NEDD4L: variants seen among roughly 807,000 people sequenced by gnomAD.
NEDD4L encodes the protein E3 ubiquitin-protein ligase NEDD4-like.
In NEDD4L, 54 loss-of-function variants were observed where a neutral mutation model predicts 148.9. The ratio of observed to expected loss-of-function variants is 0.36; its 90% CI spans 0.29 to 0.45. The LOEUF (loss-of-function observed/expected upper bound fraction) is 0.45, where lower values mean the gene tolerates loss of function less well. Among genes scored for constraint, NEDD4L ranks in the 20% least tolerant of loss-of-function variants. The pLI, the probability that NEDD4L is intolerant of heterozygous loss-of-function variation, is 1.00. For missense variants in NEDD4L, 856 were observed against 1,233.8 expected (o/e 0.69, Z 4.59); for synonymous variants, 433 against 440.7 (o/e 0.98, Z 0.22).
At chr18:58,301,298 T>A (rs144019932) in intron 5 of NEDD4L, among the ~76,000 whole-genome samples, 78 of 152,334 alleles carry the variant, frequency 5.1e-4, no homozygotes, top group African/African-American at 1.6e-3. Context: ...ATTCAGCCCA[T>A]GAATATAGTC....
chr18:58,198,182 A>C (rs2040950553), intron 2 of NEDD4L, among the ~76,000 whole-genome samples: 1 of 152,200 alleles, frequency 6.6e-6, no homozygotes, highest in African/African-American at 2.4e-5. Context: ...GATGAAAGAA[A>C]AGCTTTCAGA....
intron 2 of NEDD4L, among the ~76,000 whole-genome samples, chr18:58,203,585 A>C (rs1438592378): frequency 6.6e-6 from 1 of 150,844 alleles, no homozygotes; most frequent in Non-Finnish European, 1.5e-5. Context: ...CTTTTTAAAG[A>C]CAGCTTTTTA....
At position 58,130,093 on chromosome 18, in the gene NEDD4L, T is replaced by A. The variant is rs369004076; in HGVS notation, c.49-35695T>A. 7.2e-3 allele frequency among the ~76,000 whole-genome samples: 1,086 copies of A among 150,232 alleles called. 27 individuals carry two copies. The East Asian group carries it at 0.12, about 17-fold the overall frequency. The stretch of plus-strand genomic sequence containing the variant: ...GTGATCTAGTGGAACTGTGGCGGTG[T>A]TGGGCTCTGTTGGGGTTTGGTTGAC... On this transcript the variant is annotated intron_variant, in intron 1 of 30. Transcript: ENST00000400345.
chr18:58,124,065 A>G (rs1027248805), intron 1 of NEDD4L, among the ~76,000 whole-genome samples: 2 of 152,188 alleles, frequency 1.3e-5, no homozygotes, highest in Non-Finnish European at 2.9e-5. Flanking sequence ...CTCACTCCGT[A>G]GAAAGAAGTG....
intron 1 of NEDD4L, among the ~76,000 whole-genome samples, chr18:58,144,312 G>T (rs1282769446): frequency 6.6e-6 from 1 of 152,070 alleles, no homozygotes; most frequent in East Asian, 1.9e-4. Flanking sequence ...TCTAATCATG[G>T]TGGAAGATGA....
At chr18:58,053,768 A>G (rs1006940277) in intron 1 of NEDD4L, among the ~76,000 whole-genome samples, 1 of 152,162 alleles carries the variant, frequency 6.6e-6, no homozygotes, top group African/African-American at 2.4e-5. Context: ...AGATTGTTGT[A>G]ATACTGAGAA....
intron 9 of NEDD4L, among the ~76,000 whole-genome samples, chr18:58,326,927 GTCCCCACACTCATCAA>G: frequency 6.6e-6 from 1 of 152,128 alleles, no homozygotes; most frequent in Middle Eastern, 3.4e-3. Flanking sequence ...GTGTAGACAT[GTCCCCACACTCATCAA>G]GAGGTGTACG....
At chr18:58,162,075 ATC>A (rs2036284775) in intron 1 of NEDD4L, among the ~76,000 whole-genome samples, 1 of 152,196 alleles carries the variant, frequency 6.6e-6, no homozygotes, top group Non-Finnish European at 1.5e-5. Context: ...TATATGCTGG[ATC>A]TGCTCACCTC....
intron 15 of NEDD4L, among the ~76,000 whole-genome samples, chr18:58,342,184 C>G (rs2042517574): frequency 6.6e-6 from 1 of 152,172 alleles, no homozygotes; most frequent in Admixed American, 6.5e-5. Flanking sequence ...TTGCTTTGAT[C>G]ATTTGTTTTT....
intron 5 of NEDD4L, among the ~76,000 whole-genome samples, chr18:58,291,576 A>T (rs1297523613): frequency 6.6e-6 from 1 of 152,112 alleles, no homozygotes; most frequent in African/African-American, 2.4e-5. Flanking sequence ...CCCCCATTGT[A>T]CCAATTGCCT....
At chr18:58,071,263 T>C (rs905139453) in intron 1 of NEDD4L, among the ~76,000 whole-genome samples, 1 of 152,098 alleles carries the variant, frequency 6.6e-6, no homozygotes, top group Non-Finnish European at 1.5e-5. Flanking sequence ...TGAGCCATGG[T>C]CATGATCAGG....
At chr18:58,229,937 C>T (rs540555169) in intron 2 of NEDD4L, among the ~76,000 whole-genome samples, 29 of 152,046 alleles carry the variant, frequency 1.9e-4, no homozygotes, top group African/African-American at 6.0e-4. Context: ...TGCAGTGAGC[C>T]GAGATCGTGC....
intron 1 of NEDD4L, among the ~76,000 whole-genome samples, chr18:58,061,187 A>G (rs955368185): frequency 3.9e-5 from 6 of 152,124 alleles, no homozygotes; most frequent in African/African-American, 1.4e-4. Context: ...CTCGCCCCAA[A>G]TGCTGCCGAG....
intron 6 of NEDD4L, among the ~76,000 whole-genome samples, chr18:58,317,348 A>G (rs577431306): frequency 2.0e-5 from 3 of 152,320 alleles, no homozygotes; most frequent in South Asian, 4.1e-4. Flanking sequence ...GCATCCTTCT[A>G]CGTTGGGAGG....
chr18:58,331,873 A>AGTATAC, intron 11 of NEDD4L, among the ~76,000 whole-genome samples: 1 of 152,386 alleles, frequency 6.6e-6, no homozygotes, highest in East Asian at 1.9e-4. Context: ...TTTAAAAGAC[A>AGTATAC]GTATACGCCT....
intron 2 of NEDD4L, among the ~76,000 whole-genome samples, chr18:58,188,249 G>C (rs1283025567): frequency 2.0e-5 from 3 of 152,174 alleles, no homozygotes; most frequent in Non-Finnish European, 4.4e-5. Flanking sequence ...GGAGAAAACG[G>C]AGATGAGTGA....
intron 1 of NEDD4L, among the ~76,000 whole-genome samples, chr18:58,061,165 C>T (rs1196807615): frequency 6.6e-6 from 1 of 152,200 alleles, no homozygotes; most frequent in African/African-American, 2.4e-5. Context: ...GTACAGCTCC[C>T]ACAACGATCA....
intron 5 of NEDD4L, among the ~76,000 whole-genome samples, chr18:58,299,038 G>A (rs1029362215): frequency 3.3e-5 from 5 of 152,148 alleles, no homozygotes; most frequent in African/African-American, 7.2e-5. Context: ...GAATATGCAC[G>A]TTTACATACA....
chr18:58,386,067 G>T (rs984067900), intron 26 of NEDD4L, among the ~76,000 whole-genome samples: 2 of 149,954 alleles, frequency 1.3e-5, no homozygotes, highest in Non-Finnish European at 3.0e-5. Context: ...TTGATTGATT[G>T]ATTTTGAGAG....
Sources: allele counts gnomAD v4.1 joint callset (sites outside exome capture counted in the v4.1 genomes callset), GRCh38; gene constraint gnomAD v4.1.1; transcripts MANE v1.5; gene names NCBI Gene and HGNC (gene_info 2026-07-23, HGNC 2026-07-21).